The following CSMD1 variants were observed in gnomAD, a reference collection of about 807,000 sequenced individuals.
The protein encoded by CSMD1 is CUB and Sushi multiple domains 1.
CSMD1 carries 213 observed loss-of-function variants against 417.5 expected under a neutral mutation model. The observed-to-expected ratio is 0.51, with a 90% CI of 0.46 to 0.57. The LOEUF is 0.57. CSMD1 is among the 20% of genes least tolerant of loss of function. The probability of loss-of-function intolerance (pLI) is 0.00; values close to 1 mark genes in which losing one functional copy is unlikely to be tolerated. For missense variants in CSMD1, 6,923 were observed against 4,529.7 expected, an observed-to-expected ratio of 1.53 and a Z score of -15.17; for synonymous variants, 2,862 against 1,736.8, an observed-to-expected ratio of 1.65 and a Z score of -16.11.
At chr8:4,276,024 G>C (rs1277829713) in intron 3 of CSMD1, among the ~76,000 whole-genome samples, 1 of 152,190 alleles carries the variant, frequency 6.6e-6, no homozygotes, top group Non-Finnish European at 1.5e-5. Context: ...ATGTTGGTGG[G>C]AGTGTAAATT....
intron 7 of CSMD1, among the ~76,000 whole-genome samples, chr8:3,681,105 A>G (rs1799638258): frequency 6.6e-6 from 1 of 152,198 alleles, no homozygotes; most frequent in African/African-American, 2.4e-5. Flanking sequence ...AAAAACTGGA[A>G]GCATTCCCTT....
At chr8:4,806,950 C>T (rs1469709419) in intron 1 of CSMD1, among the ~76,000 whole-genome samples, 1 of 152,158 alleles carries the variant, frequency 6.6e-6, no homozygotes, top group African/African-American at 2.4e-5. Flanking sequence ...TATTTATGTT[C>T]AATTCTATGT....
rs1011519975 is a variant in CSMD1, at chr8:2,938,285, G to A, written c.*300C>T. 3.0e-5 allele frequency: 9 copies of A among 302,602 alleles called. No homozygotes were observed. In the Admixed American group the frequency reaches 4.4e-4, roughly 15 times the overall value. The allele number at this position is 302,602 out of a possible 1,614,324, so 18.7% of individuals were successfully genotyped here. The stretch of plus-strand genomic sequence containing the variant: ...CAACACAGAAATATGAAAGTCTGAG[G>A]CATTGAGTATGACGTGTTGGCGCGA... On this transcript the variant is annotated 3_prime_UTR_variant, in exon 70 of 70. Coordinates refer to ENST00000635120, the MANE Select transcript of CSMD1 (RefSeq NM_033225.6).
intron 12 of CSMD1, among the ~76,000 whole-genome samples, chr8:3,448,799 C>CT (rs1815500194): frequency 6.6e-6 from 1 of 152,164 alleles, no homozygotes; most frequent in Admixed American, 6.5e-5. Flanking sequence ...GTGACTTATT[C>CT]TCAGTTATAT....
Position 3,487,312 on chromosome 8 carries a change from C to T in CSMD1, c.1448+6311G>A, listed in dbSNP as rs540618829. Among the ~76,000 whole-genome samples, 865 of 152,270 alleles carry T rather than the reference C, an allele frequency of 5.7e-3. 10 individuals are homozygous for T. Among genetic ancestry groups the T allele is most frequent in the African/African-American group, 0.019 (786 of 41,556 alleles). On this transcript the variant is annotated intron_variant, in intron 11 of 69. Transcript: ENST00000635120. ...CACCTCCTGGGTTCACGCCATTCTC[C>T]TGCCTCAGCCTCCCAAGTAGATGGG... is the stretch of plus-strand genomic sequence containing the variant.
intron 3 of CSMD1, among the ~76,000 whole-genome samples, chr8:4,087,589 C>G (rs930966786): frequency 2.0e-5 from 3 of 152,066 alleles, no homozygotes; most frequent in East Asian, 1.9e-4. Context: ...CATTATCTGT[C>G]TAACTTTCTG....
intron 1 of CSMD1, among the ~76,000 whole-genome samples, chr8:4,639,155 G>A (rs921239137): frequency 1.3e-5 from 2 of 151,898 alleles, no homozygotes; most frequent in Admixed American, 1.3e-4. Context: ...TTTGCAGGGT[G>A]ATTCCCTACT....
intron 2 of CSMD1, among the ~76,000 whole-genome samples, chr8:4,525,198 C>A (rs887202964): frequency 9.9e-5 from 15 of 152,092 alleles, no homozygotes; most frequent in Non-Finnish European, 2.9e-5. Context: ...ACAACCCCCA[C>A]CTACCAACAA....
intron 2 of CSMD1, among the ~76,000 whole-genome samples, chr8:4,435,544 C>G (rs1295890128): frequency 2.0e-5 from 3 of 152,158 alleles, no homozygotes; most frequent in African/African-American, 2.4e-5. Context: ...CTTCAACACT[C>G]AAAACATTTT....
intron 6 of CSMD1, among the ~76,000 whole-genome samples, chr8:3,738,938 G>A (rs1484188598): frequency 6.6e-6 from 1 of 152,080 alleles, no homozygotes; most frequent in Non-Finnish European, 1.5e-5. Flanking sequence ...CTTGCTGAAT[G>A]CGCATATTTG....
intron 3 of CSMD1, among the ~76,000 whole-genome samples, chr8:4,150,221 C>A (rs1796496367): frequency 6.6e-6 from 1 of 152,160 alleles, no homozygotes; most frequent in Non-Finnish European, 1.5e-5. Flanking sequence ...CCCAGGAAAA[C>A]AGGGCCATTT....
intron 25 of CSMD1, among the ~76,000 whole-genome samples, chr8:3,300,785 G>C (rs556665388): frequency 6.6e-6 from 1 of 150,780 alleles, no homozygotes; most frequent in South Asian, 2.1e-4. Flanking sequence ...GCGAAACCCC[G>C]TGTCTACTAA....
At chr8:4,664,137 A>G (rs943089841) in intron 1 of CSMD1, among the ~76,000 whole-genome samples, 1 of 152,150 alleles carries the variant, frequency 6.6e-6, no homozygotes, top group African/African-American at 2.4e-5. Flanking sequence ...GGACAGGTAC[A>G]CCAGCTGGTA....
At chr8:3,850,244 C>A (rs1585088972) in intron 5 of CSMD1, among the ~76,000 whole-genome samples, 2 of 152,266 alleles carry the variant, frequency 1.3e-5, no homozygotes, top group African/African-American at 4.8e-5. Context: ...AATAAAAAAC[C>A]AATAGGTAAG....
intron 5 of CSMD1, among the ~76,000 whole-genome samples, chr8:3,885,216 T>C (rs372410608): frequency 1.3e-5 from 2 of 152,070 alleles, no homozygotes; most frequent in East Asian, 3.9e-4. Flanking sequence ...AGATCCCTTA[T>C]GGGAGACTAT....
chr8:4,040,843 T>A (rs1233176659), intron 3 of CSMD1, among the ~76,000 whole-genome samples: 1 of 151,978 alleles, frequency 6.6e-6, no homozygotes, highest in Admixed American at 6.6e-5. Context: ...CTCCGGACAA[T>A]CGAAAAAATA....
In CSMD1 at chr8:4,088,324, G is replaced by C. The variant is rs73658568; in HGVS notation, c.416-56225C>G. Among the ~76,000 whole-genome samples the C allele has an allele frequency of 1.5e-3, 231 of 152,292 alleles. 2 individuals are homozygous for C. The highest frequency in any genetic ancestry group is 5.2e-3 in the African/African-American group (216 of 41,578). On this transcript the variant is annotated intron_variant, in intron 3 of 69. Transcript: ENST00000635120. ...GCCTGCAAAGCTAGAGTTCACTTTTGATTTACCATACTGGCTTTGCAGCAC... is the reference window on the plus strand; with the variant it reads ...GCCTGCAAAGCTAGAGTTCACTTTTCATTTACCATACTGGCTTTGCAGCAC...
chr8:4,434,632 G>GTA (rs1020702430), intron 2 of CSMD1, among the ~76,000 whole-genome samples: 3 of 152,186 alleles, frequency 2.0e-5, no homozygotes, highest in African/African-American at 7.2e-5. Context: ...TAAAGACAGA[G>GTA]TAACAACTGG....
intron 7 of CSMD1, among the ~76,000 whole-genome samples, chr8:3,686,931 C>G (rs1799972078): frequency 6.6e-6 from 1 of 152,284 alleles, no homozygotes; most frequent in East Asian, 1.9e-4. Flanking sequence ...CTTTGTCTCC[C>G]CTACACTGGG....
Sources: gnomAD v4.1 joint callset for allele counts (sites outside exome capture counted in the v4.1 genomes callset) on GRCh38, gnomAD v4.1.1 for gene constraint, MANE v1.5 for transcripts, NCBI Gene and HGNC (gene_info 2026-07-23, HGNC 2026-07-21) for gene names.